The following MCC variants were observed in gnomAD, a reference collection of about 807,000 sequenced individuals.
The protein encoded by MCC is MCC regulator of Wnt signaling pathway.
Under a neutral mutation model 116.2 loss-of-function variants are expected in MCC, and 90 were observed. The observed-to-expected ratio is 0.77, with a 90% confidence interval of 0.65 to 0.92. The LOEUF (loss-of-function observed/expected upper bound fraction) is 0.92, where lower values mean the gene tolerates loss of function less well. Ranked by LOEUF, MCC falls within the 40% of genes least tolerant of loss-of-function variation. MCC has a pLI of 0.00. For synonymous variants in MCC, 578 were observed against 510.5 expected (o/e 1.13, Z -1.78); for missense variants, 1,516 against 1,312.2 (o/e 1.16, Z -2.40).
intron 3 of MCC, among the ~76,000 whole-genome samples, chr5:113,263,020 A>G (rs1262659851): frequency 6.6e-6 from 1 of 151,800 alleles, no homozygotes; most frequent in African/African-American, 2.4e-5. Context: ...AATTTGAGAA[A>G]TGTTTTTTCC....
intron 3 of MCC, among the ~76,000 whole-genome samples, chr5:113,180,189 C>T (rs974081292): frequency 1.3e-5 from 2 of 152,108 alleles, no homozygotes; most frequent in Non-Finnish European, 1.5e-5. Flanking sequence ...CTTATCGTCA[C>T]GTGTTTTTTT....
At chr5:113,178,590 T>C (rs983828435) in intron 3 of MCC, among the ~76,000 whole-genome samples, 7 of 152,190 alleles carry the variant, frequency 4.6e-5, no homozygotes, top group Non-Finnish European at 1.0e-4. Context: ...CTTGCAGAGA[T>C]AGCTAAACTT....
chr5:113,245,415 C>G (rs1341643799), intron 3 of MCC, among the ~76,000 whole-genome samples: 1 of 151,376 alleles, frequency 6.6e-6, no homozygotes, highest in African/African-American at 2.4e-5. Context: ...TTTTTTTTAA[C>G]CCAATGAAAT....
At chr5:113,107,083 A>G (rs115224756) in intron 6 of MCC, among the ~76,000 whole-genome samples, 2,873 of 152,302 alleles carry the variant, frequency 0.019, 43 homozygotes, top group Non-Finnish European at 0.03. Context: ...CATCATTTGT[A>G]TCTCCAACAG....
intron 6 of MCC, among the ~76,000 whole-genome samples, chr5:113,119,939 C>T (rs545363234): frequency 9.9e-5 from 15 of 152,216 alleles, no homozygotes; most frequent in Non-Finnish European, 1.9e-4. Context: ...ACAGACGCCA[C>T]CTCAAGTCAG....
chr5:113,125,177 A>T lies in MCC; in HGVS notation c.885-2351T>A, dbSNP rs190037831. Among the ~76,000 whole-genome samples the T allele has an allele frequency of 1.1e-3, 172 of 152,366 alleles. 1 individual carries two copies. Among genetic ancestry groups the T allele is most frequent in the African/African-American group, 3.9e-3 (162 of 41,588 alleles). On this transcript the variant is annotated intron_variant, in intron 5 of 18. Coordinates refer to ENST00000408903, the MANE Select transcript of MCC (RefSeq NM_001085377.2). ...GAAAATATATTGCACCGGAGGATGC[A>T]AATAATCAGGGTTAGATGGAAGAAA...
rs567337399 is a variant in MCC, at chr5:113,319,886, C to A, written c.627+20633G>T. On this transcript the variant is annotated intron_variant, in intron 3 of 18. Transcript: ENST00000408903. ...CCGGCTGGAAGTTCTTAGTGCCTTG[C>A]CTACTCCTGGGCAAACCCCAATGGC... is the stretch of plus-strand genomic sequence containing the variant. 1.3e-3 allele frequency among the ~76,000 whole-genome samples: 198 copies of A among 152,308 alleles called. 1 individual carries two copies. Among genetic ancestry groups the A allele is most frequent in the Admixed American group, 7.7e-3 (118 of 15,296 alleles).
chr5:113,170,370 A>T (rs1761008920), intron 3 of MCC, among the ~76,000 whole-genome samples: 1 of 152,068 alleles, frequency 6.6e-6, no homozygotes, highest in Non-Finnish European at 1.5e-5. Flanking sequence ...CCATATTCCT[A>T]CCTCCTTAGG....
Position 113,106,475 on chromosome 5 carries a change from T to C in MCC, c.1028-2120A>G, listed in dbSNP as rs559631664. On this transcript the variant is annotated intron_variant, in intron 6 of 18. Coordinates refer to ENST00000408903, the MANE Select transcript of MCC (RefSeq NM_001085377.2). ...TGGAATATGCCAAACTCCTGTCTGC[T>C]CCACAGGTTCCTTTCCTTTGCTGTT... 2.0e-5 allele frequency among the ~76,000 whole-genome samples: 3 copies of C among 152,292 alleles called. No homozygotes were observed. The East Asian group carries it at 5.8e-4, about 29-fold the overall frequency.
chr5:113,027,789 C>T (rs561439644), intron 18 of MCC, among the ~76,000 whole-genome samples: 2 of 152,164 alleles, frequency 1.3e-5, no homozygotes, highest in South Asian at 4.1e-4. Context: ...CAGTCCAAAA[C>T]GGATAAATAC....
intron 1 of MCC, among the ~76,000 whole-genome samples, chr5:113,460,621 C>A (rs764217952): frequency 1.3e-5 from 2 of 152,190 alleles, no homozygotes; most frequent in African/African-American, 2.4e-5. Flanking sequence ...ACGCTGTGTG[C>A]CTTGTGCTCA....
chr5:113,427,309 A>C (rs1346896755), intron 1 of MCC, among the ~76,000 whole-genome samples: 2 of 152,206 alleles, frequency 1.3e-5, no homozygotes, highest in African/African-American at 4.8e-5. Flanking sequence ...ACATTTCCCA[A>C]ATGCTTATGT....
chr5:113,266,891 G>A (rs1344312929), intron 3 of MCC, among the ~76,000 whole-genome samples: 1 of 152,022 alleles, frequency 6.6e-6, no homozygotes, highest in Non-Finnish European at 1.5e-5. Context: ...TAAAATCAGG[G>A]ATCCAGGTCA....
chr5:113,468,738 A>G (rs1287381131), intron 1 of MCC, among the ~76,000 whole-genome samples: 1 of 152,150 alleles, frequency 6.6e-6, no homozygotes, highest in Admixed American at 6.5e-5. Flanking sequence ...TATTGATTGG[A>G]ATAGTTTCAG....
chr5:113,472,998 A>T (rs1772135784), intron 1 of MCC, among the ~76,000 whole-genome samples: 1 of 152,246 alleles, frequency 6.6e-6, no homozygotes, highest in Non-Finnish European at 1.5e-5. Context: ...ATACAAAGAC[A>T]TTGTTGCATT....
At chr5:113,235,462 T>A (rs1247744939) in intron 3 of MCC, among the ~76,000 whole-genome samples, 1 of 152,174 alleles carries the variant, frequency 6.6e-6, no homozygotes, top group Non-Finnish European at 1.5e-5. Context: ...AGGTAAATAA[T>A]CCTCAGAGGA....
chr5:113,414,518 T>C (rs1301515767), intron 1 of MCC, among the ~76,000 whole-genome samples: 2 of 152,228 alleles, frequency 1.3e-5, no homozygotes, highest in South Asian at 2.1e-4. Context: ...TTTACCATTA[T>C]GTAATGGCCT....
In MCC at chr5:113,022,557, T is replaced by TAACA. The variant is rs995092008; in HGVS notation, c.*4741_*4744dup. On this transcript the variant is annotated 3_prime_UTR_variant, in exon 19 of 19. Transcript: ENST00000408903. ...GTTTTATTATCTTTGCATTACGTTC[T>TAACA]AACAAAAGCAGATTATCAGGGGCTC... The TAACA allele has an allele frequency of 1.3e-5, 2 of 152,304 alleles. No individual in the cohort carries two copies. The highest frequency in any genetic ancestry group is 4.8e-5 in the African/African-American group (2 of 41,458). The allele number at this position is 152,304 out of a possible 1,614,324, so 9.4% of individuals were successfully genotyped here.
intron 3 of MCC, among the ~76,000 whole-genome samples, chr5:113,298,586 G>A (rs1440393909): frequency 6.6e-6 from 1 of 152,134 alleles, no homozygotes; most frequent in Non-Finnish European, 1.5e-5. Flanking sequence ...TTGTAAGCTG[G>A]AGCTAAGGGA....
Sources: allele counts gnomAD v4.1 joint callset (sites outside exome capture counted in the v4.1 genomes callset), GRCh38; gene constraint gnomAD v4.1.1; transcripts MANE v1.5; gene names NCBI Gene and HGNC (gene_info 2026-07-23, HGNC 2026-07-21).